The following APBA2 variants were observed in gnomAD, a reference collection of about 807,000 sequenced individuals.
APBA2 encodes amyloid-beta A4 precursor protein-binding family A member 2.
In APBA2, 30 loss-of-function variants were observed where a neutral mutation model predicts 75.0. That is an observed-to-expected ratio of 0.40 (90% CI 0.30 to 0.54). The LOEUF is 0.54. APBA2 is among the 20% of genes least tolerant of loss of function. The pLI is 0.49. For missense variants in APBA2, 801 were observed against 1,016.1 expected (o/e 0.79, Z 2.88); for synonymous variants, 444 against 409.6 (o/e 1.08, Z -1.01).
chr15:29,063,098 A>G (rs1595871754), intron 4 of APBA2, among the ~76,000 whole-genome samples: 1 of 80,370 alleles, frequency 1.2e-5, no homozygotes, highest in Non-Finnish European at 2.4e-5. Flanking sequence ...TGGTGCGGGG[A>G]GTTGATCTCG....
chr15:28,905,109 G>A (rs1367444854), intron 1 of APBA2, among the ~76,000 whole-genome samples: 1 of 152,194 alleles, frequency 6.6e-6, no homozygotes. Context: ...GGAGTCTGAT[G>A]GCTGGCAGGC....
intron 2 of APBA2, among the ~76,000 whole-genome samples, chr15:28,945,236 A>G (rs1308140464): frequency 2.2e-4 from 34 of 152,144 alleles, no homozygotes; most frequent in Admixed American, 2.2e-3. Flanking sequence ...TCAGCCGACC[A>G]TTAAAAAGTG....
chr15:28,991,408 G>T lies in APBA2; in HGVS notation c.-94-4345G>T, dbSNP rs1318059567. Among the ~76,000 whole-genome samples, 1 of 152,110 alleles carries T rather than the reference G, an allele frequency of 6.6e-6. No individual in the cohort carries two copies. The highest frequency in any genetic ancestry group is 1.5e-5 in the Non-Finnish European group (1 of 68,026). ...TGAGCTACAGGGCCGGGCCGCAGGA[G>T]GCGTCCTTGTGCCGGAGCTCACCTT... On this transcript the variant is annotated intron_variant, in intron 2 of 14. Transcript: ENST00000683413. This position sits in a 1 kb window ranked among gnomAD's most constrained non-coding sequence, Gnocchi z 4.7.
intron 3 of APBA2, among the ~76,000 whole-genome samples, chr15:29,009,392 T>G (rs1343831837): frequency 6.6e-6 from 1 of 152,210 alleles, no homozygotes; most frequent in Non-Finnish European, 1.5e-5. Flanking sequence ...ATAAGCCACT[T>G]ATTTTAAAAT....
intron 3 of APBA2, among the ~76,000 whole-genome samples, chr15:29,026,225 G>A (rs2040215982): frequency 6.6e-6 from 1 of 152,112 alleles, no homozygotes; most frequent in Non-Finnish European, 1.5e-5. Context: ...GACAAGGAAC[G>A]AATCTCTGGG....
intron 2 of APBA2, among the ~76,000 whole-genome samples, chr15:28,925,329 T>C (rs1041748759): frequency 6.6e-6 from 1 of 152,214 alleles, no homozygotes; most frequent in Non-Finnish European, 1.5e-5. Flanking sequence ...GAGGCAGTGG[T>C]ATGTCATTTT....
At chr15:28,901,583 G>A in intron 1 of APBA2, among the ~76,000 whole-genome samples, 1 of 152,156 alleles carries the variant, frequency 6.6e-6, no homozygotes. Context: ...CATCTCCCAT[G>A]TTCTTGGTTG....
At chr15:29,017,275 A>G (rs1006462883) in intron 3 of APBA2, among the ~76,000 whole-genome samples, 13 of 146,570 alleles carry the variant, frequency 8.9e-5, no homozygotes, top group South Asian at 2.1e-4. Context: ...TAATTTCTCC[A>G]TTTTCTCTTT....
chr15:28,895,258 C>T (rs1412374257), intron 1 of APBA2, among the ~76,000 whole-genome samples: 1 of 152,202 alleles, frequency 6.6e-6, no homozygotes, highest in Non-Finnish European at 1.5e-5. Context: ...TGTGGCCTCC[C>T]TGCTGCTGGC....
At chr15:28,997,907 C>T (rs1035212085) in intron 3 of APBA2, among the ~76,000 whole-genome samples, 5 of 152,184 alleles carry the variant, frequency 3.3e-5, no homozygotes, top group South Asian at 2.1e-4. Flanking sequence ...TGAATATACT[C>T]ATCACAATTC....
chr15:28,916,668 C>T (rs1178981411), intron 1 of APBA2, among the ~76,000 whole-genome samples: 2 of 152,230 alleles, frequency 1.3e-5, no homozygotes, highest in Admixed American at 6.5e-5. Flanking sequence ...GATCTACACA[C>T]GTGTGCTCGC....
intron 3 of APBA2, among the ~76,000 whole-genome samples, chr15:29,015,408 C>T (rs1156632559): frequency 6.6e-6 from 1 of 152,168 alleles, no homozygotes; most frequent in African/African-American, 2.4e-5. Context: ...CTGGGGTTGA[C>T]AGTCTCAGTT....
intron 3 of APBA2, among the ~76,000 whole-genome samples, chr15:28,998,200 C>CTTTTTTTTTTTTTTTT (rs397937522): frequency 1.5e-5 from 2 of 132,310 alleles, no homozygotes; most frequent in Non-Finnish European, 3.3e-5. Flanking sequence ...TCTTCTTTTT[C>CTTTTTTTTTTTTTTTT]TTTTTTTTTT....
chr15:29,054,700 C>T lies in APBA2; in HGVS notation c.816C>T (p.Cys272=), dbSNP rs374100173. 27 of 1,613,800 alleles carry T rather than the reference C, an allele frequency of 1.7e-5. No homozygotes were observed. The highest frequency in any genetic ancestry group is 8.0e-5 in the African/African-American group (6 of 74,948). The change falls in exon 4 of 15, where the codon TGC becomes TGT. Residue 272 remains cysteine (C), a synonymous_variant. Coordinates refer to ENST00000683413, the MANE Select transcript of APBA2 (RefSeq NM_001353788.2). The surrounding 1 kb of genome is among the most constrained non-coding windows in gnomAD (Gnocchi z 6.1). ...CCTGCCCACCCATCAAGGCCAGCTG[C>T]AGCCCCAGCAGGCACGAGGCGAGGC... ...VEACPPIKAS[C]SPSRHEARPK... is the part of the protein sequence containing the mutation.
chr15:28,919,795 T>C (rs371717031), intron 1 of APBA2, among the ~76,000 whole-genome samples: 24 of 152,212 alleles, frequency 1.6e-4, no homozygotes, highest in South Asian at 6.2e-4. Context: ...CTGATCCATA[T>C]TGATGTGATA....
At chr15:29,008,766 C>T (rs769173600) in intron 3 of APBA2, among the ~76,000 whole-genome samples, 2 of 152,178 alleles carry the variant, frequency 1.3e-5, no homozygotes, top group African/African-American at 4.8e-5. Context: ...CACAGGGACA[C>T]TCCATACATA....
At chr15:29,110,132 T>A (rs1567027597) in intron 13 of APBA2, among the ~76,000 whole-genome samples, 1 of 152,226 alleles carries the variant, frequency 6.6e-6, no homozygotes, top group Non-Finnish European at 1.5e-5. Context: ...TGGGCATGGC[T>A]GGGCCCCAGG....
chr15:28,950,472 A>G (rs2035800130), intron 2 of APBA2, among the ~76,000 whole-genome samples: 1 of 151,998 alleles, frequency 6.6e-6, no homozygotes, highest in Non-Finnish European at 1.5e-5. Flanking sequence ...TTAAAAATAC[A>G]AAAAATTAGC....
At chr15:29,043,610 A>C (rs182999729) in intron 3 of APBA2, among the ~76,000 whole-genome samples, 2 of 152,352 alleles carry the variant, frequency 1.3e-5, no homozygotes, top group East Asian at 3.9e-4. Flanking sequence ...GTTGTGAATA[A>C]ATCATAACAA....
Sources: gnomAD v4.1 joint callset for allele counts (sites outside exome capture counted in the v4.1 genomes callset) on GRCh38, gnomAD v4.1.1 for gene constraint, Gnocchi (gnomAD v3.1) non-coding constraint, MANE v1.5 for transcripts, NCBI Gene and HGNC (gene_info 2026-07-23, HGNC 2026-07-21) for gene names.